The following ASZ1 variants were observed in gnomAD, a reference collection of about 807,000 sequenced individuals.
ASZ1 encodes ankyrin repeat, SAM and basic leucine zipper domain-containing protein 1.
ASZ1 carries 67 observed loss-of-function variants against 61.8 expected under a neutral mutation model. The observed-to-expected ratio is 1.08, with a 90% CI of 0.89 to 1.33. The LOEUF (loss-of-function observed/expected upper bound fraction) is 1.33, where lower values mean the gene tolerates loss of function less well. ASZ1 is among the 40% of genes most tolerant of loss of function. ASZ1 has a pLI of 0.00. For missense variants in ASZ1, 577 were observed against 554.5 expected (o/e 1.04, Z -0.41); for synonymous variants, 193 against 192.7 (o/e 1.00, Z -0.01).
At chr7:117,423,639 A>AT (rs1269686235) in intron 2 of ASZ1, among the ~76,000 whole-genome samples, 1 of 143,284 alleles carries the variant, frequency 7.0e-6, no homozygotes, top group Non-Finnish European at 1.5e-5. Flanking sequence ...AGGTCAGGTG[A>AT]TTGAGACCAT....
chr7:117,421,723 T>C (rs1224675904), intron 3 of ASZ1, among the ~76,000 whole-genome samples: 1 of 152,174 alleles, frequency 6.6e-6, no homozygotes, highest in Non-Finnish European at 1.5e-5. Flanking sequence ...ATTGAAAATA[T>C]GTTAAAAATA....
intron 10 of ASZ1, among the ~76,000 whole-genome samples, chr7:117,379,132 A>ATT (rs1220848008): frequency 0.043 from 3,334 of 76,906 alleles, 121 homozygotes; most frequent in African/African-American, 0.15. Context: ...ATGTGATAAA[A>ATT]TTATATATAT....
chr7:117,374,662 TAAATC>T (rs1374515664), intron 10 of ASZ1, among the ~76,000 whole-genome samples: 1 of 152,048 alleles, frequency 6.6e-6, no homozygotes, highest in Non-Finnish European at 1.5e-5. Flanking sequence ...TGTGATCTCT[TAAATC>T]AACTAAAAAA....
At chr7:117,370,228 C>T (rs1000430522) in intron 10 of ASZ1, among the ~76,000 whole-genome samples, 3 of 152,014 alleles carry the variant, frequency 2.0e-5, no homozygotes, top group Non-Finnish European at 2.9e-5. Context: ...CCTTCAATTG[C>T]GAAGGTAGCA....
intron 12 of ASZ1, among the ~76,000 whole-genome samples, chr7:117,364,732 A>C (rs148545492): frequency 4.6e-5 from 7 of 152,134 alleles, no homozygotes; most frequent in Middle Eastern, 3.4e-3. Context: ...AGAAAACCAG[A>C]CTCCAATGCC....
At chr7:117,382,247 T>C (rs768674677) in intron 7 of ASZ1, 103 bp from the exon 8 acceptor site, 3 of 758,072 alleles carry the variant, frequency 4.0e-6, no homozygotes, top group Non-Finnish European at 6.7e-6. Flanking sequence ...AATGAATTCA[T>C]GTAGAATATA....
At chr7:117,400,982 A>G (rs929215301) in intron 4 of ASZ1, among the ~76,000 whole-genome samples, 1 of 152,208 alleles carries the variant, frequency 6.6e-6, no homozygotes, top group African/African-American at 2.4e-5. Flanking sequence ...CCTGTACCAA[A>G]GTTTTATATA....
In ASZ1 at chr7:117,426,967, T is replaced by TTA. The variant is rs780339592; in HGVS notation, c.106-34_106-33dup. The TTA allele has an allele frequency of 5.8e-6, 9 of 1,556,750 alleles. No homozygotes were observed. In the East Asian group the frequency reaches 1.8e-4, roughly 32 times the overall value. On this transcript the variant is annotated intron_variant, in intron 1 of 12. Coordinates refer to ENST00000284629, the MANE Select transcript of ASZ1 (RefSeq NM_130768.3). ...AAGTAAACATTTTAAAAAATTCTTG[T>TTA]TATATATATTTTTGTTTCCACCTCA...
intron 4 of ASZ1, among the ~76,000 whole-genome samples, chr7:117,410,752 A>G (rs1367151976): frequency 2.0e-5 from 3 of 151,734 alleles, no homozygotes; most frequent in Non-Finnish European, 4.4e-5. Context: ...AGGAAAAAAA[A>G]AATCACATTT....
intron 4 of ASZ1, among the ~76,000 whole-genome samples, chr7:117,406,937 CCACT>C (rs925429926): frequency 6.6e-6 from 1 of 151,522 alleles, no homozygotes; most frequent in South Asian, 2.1e-4. Context: ...TCTAGGGTAG[CCACT>C]CAAAGAATAA....
chr7:117,421,229 T>C (rs933795270), intron 3 of ASZ1, among the ~76,000 whole-genome samples: 5 of 152,212 alleles, frequency 3.3e-5, no homozygotes, highest in African/African-American at 1.2e-4. Flanking sequence ...TAATTTTTTT[T>C]TGAGACAGTG....
chr7:117,381,691 A>C (rs920354011), intron 8 of ASZ1, among the ~76,000 whole-genome samples: 3 of 152,110 alleles, frequency 2.0e-5, no homozygotes, highest in African/African-American at 7.2e-5. Flanking sequence ...AGAAAATGAG[A>C]TATTTAAGTC....
chr7:117,368,702 G>A lies in ASZ1; in HGVS notation c.1071C>T (p.Leu357=). The change falls in exon 11 of 13, where the codon CTC becomes CTT. Residue 357 remains leucine (L), a synonymous_variant. Transcript: ENST00000284629. ...TKLEISGDEF[L]NFLLKLNKQC... is the part of the protein sequence containing the mutation. ...GTTTATTTAATTTGAGAAGAAAGTT[G>A]AGGAACTCATCACCACTAAAGAAAG... 6.2e-7 allele frequency: 1 copy of A among 1,612,698 alleles called. No homozygotes were observed. Among genetic ancestry groups the A allele is most frequent in the South Asian group, 1.1e-5 (1 of 90,958 alleles).
chr7:117,368,821 T>G, intron 10 of ASZ1, 104 bp from the exon 11 acceptor site: 1 of 1,550,934 alleles, frequency 6.4e-7, no homozygotes, highest in African/African-American at 1.4e-5. Flanking sequence ...ATTAGATTCT[T>G]CCAAAAGAAT....
At chr7:117,413,622 A>C (rs1796938054) in intron 4 of ASZ1, among the ~76,000 whole-genome samples, 1 of 152,050 alleles carries the variant, frequency 6.6e-6, no homozygotes, top group Admixed American at 6.6e-5. Context: ...TCAAGTTGTA[A>C]GTTTTTACCA....
Position 117,367,367 on chromosome 7 carries a change from T to C in ASZ1, c.1260A>G (p.Lys420=), listed in dbSNP as rs1795962146. ...AAATATATACCTTTTGAATTAGGTC[T>C]TTTAGTTTGCAGACCTTTTCACTCA... ...EDLSEKVCKL[K]DLIQKLQNER... Residue 420 remains lysine, a synonymous_variant, in exon 12 of 13, where the codon AAA becomes AAG. Coordinates refer to ENST00000284629, the MANE Select transcript of ASZ1 (RefSeq NM_130768.3). The C allele has an allele frequency of 6.5e-7, 1 of 1,541,150 alleles. No homozygotes were observed. Among genetic ancestry groups the C allele is most frequent in the Non-Finnish European group, 8.7e-7 (1 of 1,148,270 alleles).
chr7:117,425,265 T>C (rs1415197076), intron 2 of ASZ1, among the ~76,000 whole-genome samples: 2 of 132,860 alleles, frequency 1.5e-5, no homozygotes, highest in African/African-American at 5.7e-5. Context: ...ATTTCTTTTT[T>C]TTTTTTTTTT....
At chr7:117,407,482 T>C (rs1009640140) in intron 4 of ASZ1, among the ~76,000 whole-genome samples, 1 of 152,124 alleles carries the variant, frequency 6.6e-6, no homozygotes, top group Non-Finnish European at 1.5e-5. Flanking sequence ...CCCCAGTGGA[T>C]GCCTGAGGCC....
At chr7:117,388,799 G>C (rs1180529330) in intron 4 of ASZ1, among the ~76,000 whole-genome samples, 2 of 151,868 alleles carry the variant, frequency 1.3e-5, no homozygotes, top group Non-Finnish European at 2.9e-5. Flanking sequence ...AACAAGACAA[G>C]GAAAAAGAAA....
Sources: gnomAD v4.1 joint callset for allele counts (sites outside exome capture counted in the v4.1 genomes callset) on GRCh38, gnomAD v4.1.1 for gene constraint, MANE v1.5 for transcripts, NCBI Gene and HGNC (gene_info 2026-07-23, HGNC 2026-07-21) for gene names.